Variants in DPH6 observed in about 807,000 individuals in gnomAD.
DPH6 encodes diphthamine biosynthesis 6.
Under a neutral mutation model 38.2 loss-of-function variants are expected in DPH6, and 33 were observed. The ratio of observed to expected loss-of-function variants is 0.86; its 90% confidence interval spans 0.65 to 1.15. DPH6 has a LOEUF of 1.15. Among genes scored for constraint, DPH6 ranks in the 50% most tolerant of loss-of-function variants. The pLI, the probability that DPH6 is intolerant of heterozygous loss-of-function variation, is 0.00. For missense variants in DPH6, 325 were observed against 320.0 expected (o/e 1.02, Z -0.12); for synonymous variants, 108 against 103.0 (o/e 1.05, Z -0.30).
rs1277952520 is a variant in DPH6, at chr15:35,464,164, C to T, written c.313-9344G>A. ...CAAAAATTATCTGGGCGTGGTGGCACGCGCCTGTAATCCCAGCTACTTGGG... is the reference window on the plus strand; with the variant it reads ...CAAAAATTATCTGGGCGTGGTGGCATGCGCCTGTAATCCCAGCTACTTGGG... On this transcript the variant is annotated intron_variant, in intron 3 of 8. Coordinates refer to ENST00000256538, the MANE Select transcript of DPH6 (RefSeq NM_080650.4). Among the ~76,000 whole-genome samples the T allele has an allele frequency of 5.3e-5, 8 of 151,970 alleles. No individual in the cohort carries two copies. In the South Asian group the frequency reaches 1.0e-3, roughly 20 times the overall value.
intron 3 of DPH6, among the ~76,000 whole-genome samples, chr15:35,469,222 T>C (rs1271390426): frequency 6.6e-6 from 1 of 152,144 alleles, no homozygotes; most frequent in African/African-American, 2.4e-5. Flanking sequence ...GAGACAAGCA[T>C]GATAACATAA....
intron 5 of DPH6, among the ~76,000 whole-genome samples, chr15:35,445,869 G>C (rs965366185): frequency 3.3e-5 from 5 of 152,188 alleles, no homozygotes; most frequent in Non-Finnish European, 5.9e-5. Context: ...ACTATGTGAT[G>C]CTAATCATCT....
chr15:35,151,243 TG>T, the DPH6 span, among the ~76,000 whole-genome samples: 2 of 152,210 alleles, frequency 1.3e-5, no homozygotes, highest in Middle Eastern at 6.8e-3. Flanking sequence ...TTTGTAAAAC[TG>T]TGGTCTACAG....
chr15:35,305,714 A>G (rs901091692), intron 3 of DPH6, among the ~76,000 whole-genome samples: 2 of 152,208 alleles, frequency 1.3e-5, no homozygotes, highest in African/African-American at 4.8e-5. Context: ...ATCAGTTACA[A>G]TTTAGTATTC....
intron 3 of DPH6, among the ~76,000 whole-genome samples, chr15:35,280,513 A>G (rs969319937): frequency 6.6e-6 from 1 of 152,232 alleles, no homozygotes; most frequent in Non-Finnish European, 1.5e-5. Flanking sequence ...CTGAGACAAT[A>G]GCATAGAATT....
intron 3 of DPH6, among the ~76,000 whole-genome samples, chr15:35,529,153 T>G (rs2055048143): frequency 1.3e-5 from 2 of 152,148 alleles, no homozygotes; most frequent in Non-Finnish European, 2.9e-5. Context: ...ATTAGTCTGT[T>G]CTCGCACTGC....
At chr15:35,459,985 G>C (rs1289844971) in intron 3 of DPH6, among the ~76,000 whole-genome samples, 1 of 152,106 alleles carries the variant, frequency 6.6e-6, no homozygotes, top group Non-Finnish European at 1.5e-5. Flanking sequence ...AGTTAACAAA[G>C]CTGGTAAATA....
chr15:35,476,484 G>A (rs368778643), intron 3 of DPH6, among the ~76,000 whole-genome samples: 1 of 151,764 alleles, frequency 6.6e-6, no homozygotes, highest in Admixed American at 6.6e-5. Context: ...CTTTAATTCT[G>A]AAATACCAGA....
At chr15:35,469,482 A>G (rs2054169774) in intron 3 of DPH6, among the ~76,000 whole-genome samples, 1 of 152,222 alleles carries the variant, frequency 6.6e-6, no homozygotes, top group South Asian at 2.1e-4. Flanking sequence ...CTAAGGCAGT[A>G]GTTATGACAA....
intron 3 of DPH6, among the ~76,000 whole-genome samples, chr15:35,486,239 T>G (rs1245058538): frequency 2.6e-5 from 4 of 151,964 alleles, no homozygotes; most frequent in African/African-American, 4.8e-5. Context: ...AAGAACAGCA[T>G]GGGGGAAACC....
At chr15:35,154,946 T>C in the DPH6 span, among the ~76,000 whole-genome samples, 11 of 152,090 alleles carry the variant, frequency 7.2e-5, no homozygotes, top group African/African-American at 2.7e-4. Context: ...TTAGAAAAAA[T>C]GTGAATAAGG....
chr15:35,464,034 A>AT (rs1233159461), intron 3 of DPH6, among the ~76,000 whole-genome samples: 9 of 152,098 alleles, frequency 5.9e-5, no homozygotes, highest in African/African-American at 2.2e-4. Flanking sequence ...GGTGGCTCAC[A>AT]CATGTAATCT....
In DPH6 at chr15:35,371,573, C is replaced by T. The variant is rs919673453; in HGVS notation, c.*577G>A. ...TTTTCTAAGGTCAACATAGTTAATA[C>T]TGAAAAACAGCATTTTAAAAATCAG... On this transcript the variant is annotated 3_prime_UTR_variant, in exon 9 of 9. Coordinates refer to ENST00000256538, the MANE Select transcript of DPH6 (RefSeq NM_080650.4). The T allele has an allele frequency of 5.1e-6, 5 of 979,512 alleles. No homozygotes were observed. In the South Asian group the frequency reaches 1.4e-4, roughly 28 times the overall value. 60.7% of individuals were successfully genotyped at this position (979,512 alleles called of 1,614,324 possible). A position where few individuals can be genotyped will look rare whatever the true frequency, so the allele number is the denominator to read the frequency against.
intron 6 of DPH6, chr15:35,400,781 G>A (rs2053206830): frequency 1.1e-5 from 8 of 757,722 alleles, no homozygotes; most frequent in Middle Eastern, 3.6e-4. Flanking sequence ...GAGAGCCCGA[G>A]GATCCATTCT....
At chr15:35,521,525 G>A in intron 3 of DPH6, 1 of 1,221,292 alleles carries the variant, frequency 8.2e-7, no homozygotes, top group Non-Finnish European at 1.0e-6. Flanking sequence ...ATGAAGAGTT[G>A]TGTTCAATTT....
the DPH6 span, among the ~76,000 whole-genome samples, chr15:35,178,630 G>A: frequency 6.6e-6 from 1 of 152,102 alleles, no homozygotes; most frequent in Non-Finnish European, 1.5e-5. Context: ...TTAATATCCT[G>A]GCAAATATTG....
chr15:35,366,088 T>G (rs1189773882), downstream of DPH6: 3 of 930,522 alleles, frequency 3.2e-6, no homozygotes, highest in Non-Finnish European at 3.8e-6. Context: ...AGGAAATATT[T>G]TGTAGGTTGT....
intron 3 of DPH6, among the ~76,000 whole-genome samples, chr15:35,481,792 T>C (rs941964960): frequency 6.6e-6 from 1 of 152,164 alleles, no homozygotes; most frequent in Admixed American, 6.6e-5. Flanking sequence ...GCTATTTTAT[T>C]AACCTTCTTT....
chr15:35,239,727 AG>A (rs1165735468), intron 3 of DPH6, among the ~76,000 whole-genome samples: 1 of 137,632 alleles, frequency 7.3e-6, no homozygotes, highest in African/African-American at 2.7e-5. Context: ...TTCCTGGGGC[AG>A]GGGCAAGTAC....
Sources: gnomAD v4.1 joint callset for allele counts (sites outside exome capture counted in the v4.1 genomes callset) on GRCh38, gnomAD v4.1.1 for gene constraint, MANE v1.5 for transcripts, NCBI Gene and HGNC (gene_info 2026-07-23, HGNC 2026-07-21) for gene names.